MAST4: variants seen among roughly 807,000 people sequenced by gnomAD.
MAST4 encodes the protein microtubule-associated serine/threonine-protein kinase 4.
Under a neutral mutation model 162.7 loss-of-function variants are expected in MAST4, and 89 were observed. That is an observed-to-expected ratio of 0.55 (90% confidence interval 0.46 to 0.65). MAST4 has a LOEUF of 0.65. Ranked by LOEUF, MAST4 falls within the 30% of genes least tolerant of loss-of-function variation. MAST4 has a pLI of 0.00. For missense variants in MAST4, 3,153 were observed against 3,374.0 expected, an observed-to-expected ratio of 0.93 and a Z score of 1.62; for synonymous variants, 1,479 against 1,361.1, an observed-to-expected ratio of 1.09 and a Z score of -1.91.
At chr5:66,783,863 C>T (rs1270816757) in intron 2 of MAST4, among the ~76,000 whole-genome samples, 6 of 152,032 alleles carry the variant, frequency 3.9e-5, no homozygotes, top group Non-Finnish European at 8.8e-5. Context: ...GTGTTCCTTT[C>T]TTTGTGTTCC....
chr5:66,963,815 G>T lies in MAST4; in HGVS notation c.674+63833G>T, dbSNP rs567944825. ...AAGCATGCTCCAGGGCCTGCCCAGG[G>T]CTGCTTTGTCTTTCTGTTGCCCCAT... On this transcript the variant is annotated intron_variant, in intron 4 of 28. Coordinates refer to ENST00000403625, the MANE Select transcript of MAST4 (RefSeq NM_001164664.2). 3.7e-4 allele frequency: 289 copies of T among 779,058 alleles called. 6 individuals are homozygous for T. The South Asian group carries it at 3.8e-3, about 10-fold the overall frequency. The allele number at this position is 779,058 out of a possible 1,614,324, so 48.3% of individuals were successfully genotyped here.
Position 66,884,296 on chromosome 5 carries a change from T to A in MAST4, c.643-15655T>A, listed in dbSNP as rs1162977555. On this transcript the variant is annotated intron_variant, in intron 3 of 28. Transcript: ENST00000403625. ...ATAAGTAAATCCTTTAAGCTATTTT[T>A]AATTAGGTGTTTCTCAAACTTATTG... Among the ~76,000 whole-genome samples the A allele has an allele frequency of 2.0e-5, 3 of 152,236 alleles. No individual in the cohort carries two copies. The East Asian group carries it at 5.8e-4, about 29-fold the overall frequency.
At chr5:66,724,196 C>G (rs1751381559) in intron 1 of MAST4, among the ~76,000 whole-genome samples, 1 of 152,126 alleles carries the variant, frequency 6.6e-6, no homozygotes, top group African/African-American at 2.4e-5. Flanking sequence ...ACTGTATTCT[C>G]TTTCCTTTTA....
At chr5:66,621,916 C>T (rs1744100973) in intron 1 of MAST4, among the ~76,000 whole-genome samples, 1 of 152,260 alleles carries the variant, frequency 6.6e-6, no homozygotes, top group South Asian at 2.1e-4. Context: ...GTTTTTGTCG[C>T]AACTACTCAA....
rs776869662 is a variant in MAST4 at position 66,944,582 on chromosome 5, T to C, written c.674+44600T>C. Reference sequence around the variant, plus strand: ...TATTTTTCTTTTTCGCTTTCTAATATGTACTTTGTATTACTTCTGATGTCT... The same window carrying C: ...TATTTTTCTTTTTCGCTTTCTAATACGTACTTTGTATTACTTCTGATGTCT... On this transcript the variant is annotated intron_variant, in intron 4 of 28. Coordinates refer to ENST00000403625, the MANE Select transcript of MAST4 (RefSeq NM_001164664.2). Among the ~76,000 whole-genome samples the C allele has an allele frequency of 4.7e-4, 72 of 152,188 alleles. 3 individuals are homozygous for C. Among genetic ancestry groups the C allele is most frequent in the Middle Eastern group, 3.2e-3 (1 of 316 alleles).
intron 4 of MAST4, among the ~76,000 whole-genome samples, chr5:67,039,961 TTA>T (rs34027825): frequency 0.28 from 41,099 of 147,784 alleles, 6,091 homozygotes; most frequent in African/African-American, 0.37. Flanking sequence ...TTTTGAGATT[TTA>T]TATATATATA....
intron 1 of MAST4, among the ~76,000 whole-genome samples, chr5:66,756,645 G>A (rs1054171842): frequency 6.6e-6 from 1 of 152,216 alleles, no homozygotes; most frequent in African/African-American, 2.4e-5. Context: ...GGGATCATGA[G>A]TATTTGACTC....
chr5:66,634,538 T>A (rs924453876), intron 1 of MAST4, among the ~76,000 whole-genome samples: 17 of 152,222 alleles, frequency 1.1e-4, no homozygotes, highest in Non-Finnish European at 1.8e-4. Context: ...CTCATCTTTT[T>A]TAAATTTTAG....
chr5:66,756,689 C>T (rs1753559910), intron 1 of MAST4, among the ~76,000 whole-genome samples: 1 of 152,188 alleles, frequency 6.6e-6, no homozygotes. Flanking sequence ...TGCAGGGCTG[C>T]AGTGGACCGT....
At chr5:66,759,093 C>G (rs1753711148) in intron 1 of MAST4, among the ~76,000 whole-genome samples, 1 of 152,160 alleles carries the variant, frequency 6.6e-6, no homozygotes, top group Non-Finnish European at 1.5e-5. Context: ...ATTCTTGTGA[C>G]AGGTTTTCTT....
chr5:67,165,039 C>T lies in MAST4; in HGVS notation c.5860C>T (p.Arg1954Cys), dbSNP rs377534313. The change falls in exon 29 of 29, where the codon CGC (arginine) becomes TGC (cysteine). Residue 1954 changes from arginine to cysteine, a missense_variant. Physicochemically the swap from Arg to Cys is radical, Grantham distance 180 (BLOSUM62 -3). This residue lies in a region of MAST4 where 1,644 missense variants were observed against 1,495.0 expected (regional missense o/e 1.10). Transcript: ENST00000403625. The stretch of plus-strand genomic sequence containing the variant: ...CCACAGCCCTGACCTGGCCAGGCCA[C>T]GCTGCCCGCTCCCACCTGAAGCTTC... ...NLHSPDLARPRCPLPPEASPS... is the reference protein window; with the variant it reads ...NLHSPDLARPCCPLPPEASPS... 8.5e-5 allele frequency: 136 copies of T among 1,608,928 alleles called. No homozygotes were observed. In the Admixed American group the frequency reaches 2.2e-3, roughly 26 times the overall value.
At chr5:66,914,935 A>G (rs1463638175) in intron 4 of MAST4, among the ~76,000 whole-genome samples, 1 of 152,162 alleles carries the variant, frequency 6.6e-6, no homozygotes, top group African/African-American at 2.4e-5. Context: ...AGTGCTGAGG[A>G]TGAGAAACTC....
intron 1 of MAST4, among the ~76,000 whole-genome samples, chr5:66,624,146 GTT>G (rs200030700): frequency 7.8e-5 from 7 of 90,126 alleles, no homozygotes; most frequent in African/African-American, 1.8e-4. Flanking sequence ...TTGTTAAAAT[GTT>G]TTTTTTTTTT....
chr5:67,094,244 C>A, intron 6 of MAST4: 2 of 966,068 alleles, frequency 2.1e-6, no homozygotes, highest in Non-Finnish European at 3.0e-6. Context: ...TCTTTGTGGA[C>A]CATTTGCATT....
intron 19 of MAST4, among the ~76,000 whole-genome samples, chr5:67,139,154 G>A (rs543209067): frequency 1.3e-5 from 2 of 152,328 alleles, no homozygotes; most frequent in Non-Finnish European, 1.5e-5. Flanking sequence ...AGTCCAACAT[G>A]ACAGGTCCCA....
chr5:66,867,232 C>T (rs183795244), intron 3 of MAST4, among the ~76,000 whole-genome samples: 4 of 152,122 alleles, frequency 2.6e-5, no homozygotes, highest in Admixed American at 2.0e-4. Flanking sequence ...TTTCCTTGTG[C>T]CTCTCCTTTT....
At chr5:67,016,842 A>G (rs890576126) in intron 4 of MAST4, among the ~76,000 whole-genome samples, 2 of 152,222 alleles carry the variant, frequency 1.3e-5, no homozygotes, top group Non-Finnish European at 2.9e-5. Context: ...TACACATTTC[A>G]AAATCCATGC....
chr5:67,081,776 T>C (rs1238455172), intron 5 of MAST4, among the ~76,000 whole-genome samples: 1 of 152,246 alleles, frequency 6.6e-6, no homozygotes, highest in Non-Finnish European at 1.5e-5. Flanking sequence ...AAGCATACTT[T>C]TGTGAAAATA....
chr5:66,719,199 G>T (rs992647426), intron 1 of MAST4, among the ~76,000 whole-genome samples: 1 of 152,160 alleles, frequency 6.6e-6, no homozygotes, highest in African/African-American at 2.4e-5. Flanking sequence ...AAAAGGCACC[G>T]CCTTGGGTAC....
Sources: allele counts gnomAD v4.1 joint callset (sites outside exome capture counted in the v4.1 genomes callset), GRCh38; gene constraint gnomAD v4.1.1; regional missense constraint gnomAD v4.1.1; transcripts MANE v1.5; gene names NCBI Gene and HGNC (gene_info 2026-07-23, HGNC 2026-07-21).